Variants in TCERG1L observed in about 807,000 individuals in gnomAD.
The protein encoded by TCERG1L is transcription elongation regulator 1 like.
Under a neutral mutation model 56.3 loss-of-function variants are expected in TCERG1L, and 37 were observed. The ratio of observed to expected loss-of-function variants is 0.66; its 90% confidence interval spans 0.51 to 0.87. The LOEUF (loss-of-function observed/expected upper bound fraction) is 0.87, where lower values mean the gene tolerates loss of function less well. TCERG1L is among the 40% of genes least tolerant of loss of function. The pLI is 0.00. For missense variants in TCERG1L, 799 were observed against 774.2 expected (o/e 1.03, Z -0.38); for synonymous variants, 324 against 326.3 (o/e 0.99, Z 0.08).
intron 4 of TCERG1L, among the ~76,000 whole-genome samples, chr10:131,207,595 C>G (rs997441548): frequency 1.3e-5 from 2 of 152,232 alleles, no homozygotes; most frequent in African/African-American, 4.8e-5. Flanking sequence ...TAAGAACATT[C>G]ATGGGGGAAA....
intron 8 of TCERG1L, among the ~76,000 whole-genome samples, chr10:131,130,617 G>A (rs764020502): frequency 6.6e-6 from 1 of 152,240 alleles, no homozygotes; most frequent in Non-Finnish European, 1.5e-5. Flanking sequence ...TGATCACGCT[G>A]AAGAGTTAAC....
chr10:131,278,799 G>C (rs75856938), intron 3 of TCERG1L, among the ~76,000 whole-genome samples: 3,074 of 152,256 alleles, frequency 0.02, 77 homozygotes, highest in East Asian at 0.075. Flanking sequence ...TCTCTCCCAT[G>C]CTGGGGCTTT....
chr10:131,144,336 T>C (rs1845771601), intron 7 of TCERG1L, among the ~76,000 whole-genome samples: 2 of 152,174 alleles, frequency 1.3e-5, no homozygotes, highest in African/African-American at 4.8e-5. Flanking sequence ...TAGGGTTAAA[T>C]ATCTGACGAG....
intron 7 of TCERG1L, among the ~76,000 whole-genome samples, chr10:131,140,275 G>A (rs1379392360): frequency 6.6e-6 from 1 of 152,156 alleles, no homozygotes; most frequent in Non-Finnish European, 1.5e-5. Context: ...CGGTGCAGGT[G>A]ATACCCCCAC....
At chr10:131,236,740 G>A (rs1342050845) in intron 4 of TCERG1L, among the ~76,000 whole-genome samples, 5 of 152,114 alleles carry the variant, frequency 3.3e-5, no homozygotes, top group African/African-American at 7.2e-5. Flanking sequence ...AGGAGAATCC[G>A]CCAGGAGCCT....
intron 6 of TCERG1L, among the ~76,000 whole-genome samples, chr10:131,157,554 C>T (rs1845936663): frequency 6.6e-6 from 1 of 151,754 alleles, no homozygotes; most frequent in Non-Finnish European, 1.5e-5. Context: ...TGGTTTAATT[C>T]CCTCAAAATT....
intron 3 of TCERG1L, among the ~76,000 whole-genome samples, chr10:131,297,187 T>C (rs574917473): frequency 6.6e-6 from 1 of 152,310 alleles, no homozygotes; most frequent in East Asian, 1.9e-4. Flanking sequence ...ACGTTAGTGG[T>C]AGATCTTCCT....
chr10:131,255,218 T>A (rs2133537029), intron 4 of TCERG1L, among the ~76,000 whole-genome samples: 1 of 152,282 alleles, frequency 6.6e-6, no homozygotes, highest in East Asian at 1.9e-4. Context: ...GTTATATGAC[T>A]TCATACAAAC....
intron 4 of TCERG1L, among the ~76,000 whole-genome samples, chr10:131,217,019 CCA>C (rs1269183876): frequency 6.6e-6 from 1 of 152,126 alleles, no homozygotes; most frequent in Non-Finnish European, 1.5e-5. Context: ...CCCACAATGC[CCA>C]CAGTCTACAG....
chr10:131,242,505 A>G lies in TCERG1L; in HGVS notation c.856+17754T>C, dbSNP rs1845984559. 2.0e-5 allele frequency among the ~76,000 whole-genome samples: 3 copies of G among 152,210 alleles called. No individual in the cohort carries two copies. In the South Asian group the frequency reaches 6.2e-4, roughly 32 times the overall value. The stretch of plus-strand genomic sequence containing the variant: ...AAGGTGCGGGTTTCACTCTGATACT[A>G]AATCACGGCACCAGCGACTTTCAAG... On this transcript the variant is annotated intron_variant, in intron 4 of 11. Coordinates refer to ENST00000368642, the MANE Select transcript of TCERG1L (RefSeq NM_174937.4).
rs376728702 is a variant in TCERG1L at position 131,308,312 on chromosome 10, T to G, written c.569A>C (p.Lys190Thr). ...TACTTGATTTGCCAGCAAACGAGGC[T>G]TTTCATGCCCATGGAAAAACCTTGA... ...EESRFFHGHE[K>T]PRLLANQVAV... Residue 190 changes from lysine to threonine, a missense_variant, in exon 3 of 12, where the codon AAG becomes ACG. Coordinates refer to ENST00000368642, the MANE Select transcript of TCERG1L (RefSeq NM_174937.4). 6.2e-7 allele frequency: 1 copy of G among 1,613,854 alleles called. No homozygotes were observed. The highest frequency in any genetic ancestry group is 8.5e-7 in the Non-Finnish European group (1 of 1,179,902).
At chr10:131,120,420 C>A (rs544809695) in intron 8 of TCERG1L, among the ~76,000 whole-genome samples, 1 of 152,348 alleles carries the variant, frequency 6.6e-6, no homozygotes, top group East Asian at 1.9e-4. Flanking sequence ...CTGCTGTGGG[C>A]ACAGAGCTCA....
chr10:131,260,825 G>A lies in TCERG1L; in HGVS notation c.671-381C>T, dbSNP rs1028027243. Among the ~76,000 whole-genome samples, 12 of 152,180 alleles carry A rather than the reference G, an allele frequency of 7.9e-5. No homozygotes were observed. The highest frequency in any genetic ancestry group is 2.1e-4 in the South Asian group (1 of 4,822). On this transcript the variant is annotated intron_variant, in intron 3 of 11. Transcript: ENST00000368642. The surrounding 1 kb of genome is among the most constrained non-coding windows in gnomAD (Gnocchi z 5.8). ...CACTCAGTGATTTGGAGCAGAAACC[G>A]GTGAAGGCCCAGGAGTGCCACATAA... is the stretch of plus-strand genomic sequence containing the variant.
At chr10:131,139,741 T>C (rs545761938) in intron 7 of TCERG1L, among the ~76,000 whole-genome samples, 1 of 152,006 alleles carries the variant, frequency 6.6e-6, no homozygotes, top group African/African-American at 2.4e-5. Flanking sequence ...TGTATGTGTC[T>C]GTATGTGTAC....
intron 4 of TCERG1L, among the ~76,000 whole-genome samples, chr10:131,190,684 C>T (rs2133462061): frequency 1.4e-5 from 2 of 143,766 alleles, no homozygotes; most frequent in East Asian, 3.9e-4. Flanking sequence ...ATGATAAAAA[C>T]TCCCAACAAA....
intron 3 of TCERG1L, among the ~76,000 whole-genome samples, chr10:131,264,741 C>T (rs1846268637): frequency 6.6e-6 from 1 of 152,236 alleles, no homozygotes; most frequent in Non-Finnish European, 1.5e-5. Context: ...CTGCTAAGAC[C>T]TCCGTGTTGG....
At chr10:131,174,008 T>C (rs1261800080) in intron 4 of TCERG1L, among the ~76,000 whole-genome samples, 1 of 152,132 alleles carries the variant, frequency 6.6e-6, no homozygotes, top group African/African-American at 2.4e-5. Context: ...CCAGCAGGGC[T>C]TTTGACTGCT....
chr10:131,170,565 T>C (rs1214051833), intron 4 of TCERG1L, among the ~76,000 whole-genome samples: 1 of 151,942 alleles, frequency 6.6e-6, no homozygotes, highest in Non-Finnish European at 1.5e-5. Flanking sequence ...CTGGCAGTGA[T>C]GAGAGACAAA....
intron 7 of TCERG1L, among the ~76,000 whole-genome samples, chr10:131,139,570 C>T (rs1272444651): frequency 6.6e-6 from 1 of 152,198 alleles, no homozygotes; most frequent in Admixed American, 6.5e-5. Context: ...CATGTTTGTG[C>T]AGCAGCATGT....
Sources: allele counts gnomAD v4.1 joint callset (sites outside exome capture counted in the v4.1 genomes callset), GRCh38; gene constraint gnomAD v4.1.1; non-coding constraint Gnocchi (gnomAD v3.1); transcripts MANE v1.5; gene names NCBI Gene and HGNC (gene_info 2026-07-23, HGNC 2026-07-21).